RAF1: variants seen among roughly 807,000 people sequenced by gnomAD.
The protein encoded by RAF1 is RAF proto-oncogene serine/threonine-protein kinase.
A neutral mutation model predicts 81.1 loss-of-function variants in RAF1; 27 were observed. That is an observed-to-expected ratio of 0.33 (90% CI 0.25 to 0.46). The LOEUF is 0.46. Ranked by LOEUF, RAF1 falls within the 20% of genes least tolerant of loss-of-function variation. RAF1 has a pLI of 1.00. For synonymous variants in RAF1, 298 were observed against 294.0 expected, an observed-to-expected ratio of 1.01 and a Z score of -0.14; for missense variants, 598 against 826.0, an observed-to-expected ratio of 0.72 and a Z score of 3.38.
intron 5 of RAF1, among the ~76,000 whole-genome samples, chr3:12,607,125 G>C (rs772230152): frequency 6.6e-6 from 1 of 152,190 alleles, no homozygotes; most frequent in Non-Finnish European, 1.5e-5. Context: ...AAAATGCATA[G>C]ATAAAAGACT....
chr3:12,650,983 G>A (rs1319906825), intron 1 of RAF1, among the ~76,000 whole-genome samples: 1 of 152,166 alleles, frequency 6.6e-6, no homozygotes. Flanking sequence ...GCTAAAGTGT[G>A]CCCAGGGAAT....
At chr3:12,629,594 T>C (rs1047344302) in intron 1 of RAF1, among the ~76,000 whole-genome samples, 1 of 152,148 alleles carries the variant, frequency 6.6e-6, no homozygotes, top group African/African-American at 2.4e-5. Context: ...CAAGGTTACA[T>C]GGTATTCAGA....
At chr3:12,627,569 A>G (rs2059741639) in intron 1 of RAF1, among the ~76,000 whole-genome samples, 1 of 152,220 alleles carries the variant, frequency 6.6e-6, no homozygotes, top group South Asian at 2.1e-4. Context: ...TATATCTATC[A>G]ATCATGAATT....
At position 12,585,771 on chromosome 3, in the gene RAF1, C is replaced by T; in HGVS notation, c.1506G>A (p.Val502=). Residue 502 remains valine (V), a synonymous_variant, in exon 15 of 18, where the codon GTG becomes GTA. Coordinates refer to ENST00000442415, the MANE Select transcript of RAF1 (RefSeq NM_001354689.3). ...TTGCCAAACCAAAATCTCCAATTTT[C>T]ACTGTTAAGCCTTCATGGAGAAATA... 6.2e-7 allele frequency: 1 copy of T among 1,613,820 alleles called. No homozygotes were observed. Among genetic ancestry groups the T allele is most frequent in the Non-Finnish European group, 8.5e-7 (1 of 1,179,702 alleles).
chr3:12,587,604 G>A lies in RAF1; in HGVS notation c.1464C>T (p.Asp488=). ...ACCAAAGGATACTGTTGGATTTCATGTCTCTATGGATGATGTTCTTTGCAT... is the reference window on the plus strand; with the variant it reads ...ACCAAAGGATACTGTTGGATTTCATATCTCTATGGATGATGTTCTTTGCAT... The change falls in exon 14 of 18, where the codon GAC becomes GAT. Residue 488 remains aspartate, a synonymous_variant. Coordinates refer to ENST00000442415, the MANE Select transcript of RAF1 (RefSeq NM_001354689.3). 1 of 1,610,302 alleles carries A rather than the reference G, an allele frequency of 6.2e-7. No individual in the cohort carries two copies. Among genetic ancestry groups the A allele is most frequent in the Non-Finnish European group, 8.5e-7 (1 of 1,176,466 alleles).
At chr3:12,659,427 C>CCAAAAAAAAAAAAAAAAAA (rs2060805165) in intron 1 of RAF1, among the ~76,000 whole-genome samples, 1 of 47,682 alleles carries the variant, frequency 2.1e-5, no homozygotes, top group South Asian at 1.4e-3. Context: ...GATTTCATCT[C>CCAAAAAAAAAAAAAAAAAA]AAAAAAAAAA....
In RAF1 at chr3:12,608,519, A is replaced by G. The variant is rs1033102118; in HGVS notation, c.581+247T>C. 2.1e-4 allele frequency: 112 copies of G among 539,808 alleles called. 1 individual carries two copies. The highest frequency in any genetic ancestry group is 1.6e-4 in the Non-Finnish European group (49 of 301,058). 33.4% of individuals were successfully genotyped at this position (539,808 alleles called of 1,614,324 possible). A position where few individuals can be genotyped will look rare whatever the true frequency, so the allele number is the denominator to read the frequency against. ...TTTGCTCCTTTCCTTACTGAATCAC[A>G]GTCACAGTATGTCAATCTCAATTTG... is the stretch of plus-strand genomic sequence containing the variant. On this transcript the variant is annotated intron_variant, in intron 5 of 17. Coordinates refer to ENST00000442415, the MANE Select transcript of RAF1 (RefSeq NM_001354689.3).
chr3:12,661,057 C>T (rs926293250), intron 1 of RAF1, among the ~76,000 whole-genome samples: 17 of 152,176 alleles, frequency 1.1e-4, no homozygotes, highest in African/African-American at 3.9e-4. Flanking sequence ...GCATTTTAAA[C>T]AGCTTAGCCC....
chr3:12,641,894 C>T (rs993535890), intron 1 of RAF1, among the ~76,000 whole-genome samples: 13 of 152,078 alleles, frequency 8.5e-5, no homozygotes, highest in Admixed American at 2.0e-4. Flanking sequence ...TGGTGGCTCA[C>T]GCCTGTAATC....
intron 1 of RAF1, among the ~76,000 whole-genome samples, chr3:12,647,245 G>C (rs2060378638): frequency 6.8e-6 from 1 of 147,720 alleles, no homozygotes. Context: ...GCAGTGAGCT[G>C]AGATCGCGCC....
chr3:12,632,602 TAAAAG>T (rs1236120847), intron 1 of RAF1, among the ~76,000 whole-genome samples: 7 of 152,148 alleles, frequency 4.6e-5, no homozygotes, highest in South Asian at 2.1e-4. Context: ...ATCAGCAACT[TAAAAG>T]AAAGAGACTA....
intron 1 of RAF1, among the ~76,000 whole-genome samples, chr3:12,651,180 A>G (rs1363536790): frequency 6.6e-6 from 1 of 152,232 alleles, no homozygotes; most frequent in African/African-American, 2.4e-5. Context: ...CTTAAACATT[A>G]CATGTATTAG....
At chr3:12,607,723 T>C (rs1337122052) in intron 5 of RAF1, among the ~76,000 whole-genome samples, 2 of 149,598 alleles carry the variant, frequency 1.3e-5, no homozygotes, top group African/African-American at 4.9e-5. Context: ...GAGGCCGAGG[T>C]GGGCAGATCA....
chr3:12,614,159 G>C (rs62240813), intron 2 of RAF1, among the ~76,000 whole-genome samples: 18,529 of 152,178 alleles, frequency 0.12, 1,365 homozygotes, highest in Admixed American at 0.2. Context: ...AAAGAAATGG[G>C]GATACAGGGG....
In RAF1 at chr3:12,636,347, C is replaced by G. The variant is rs538203823; in HGVS notation, c.-26-17600G>C. ...ACATACCACCAAGCTACTTGGGAGG[C>G]TGAGAAATGAGAATCACTTGAGGCC... On this transcript the variant is annotated intron_variant, in intron 1 of 17. Transcript: ENST00000442415. Among the ~76,000 whole-genome samples the G allele has an allele frequency of 7.3e-5, 11 of 150,450 alleles. No homozygotes were observed. The East Asian group carries it at 2.0e-3, about 27-fold the overall frequency.
chr3:12,661,630 G>A (rs2060880681), intron 1 of RAF1, among the ~76,000 whole-genome samples: 1 of 152,108 alleles, frequency 6.6e-6, no homozygotes, highest in African/African-American at 2.4e-5. Flanking sequence ...TTGAACCAAG[G>A]AGGCAGAGGT....
At chr3:12,654,017 C>A (rs969078649) in intron 1 of RAF1, among the ~76,000 whole-genome samples, 1 of 150,256 alleles carries the variant, frequency 6.7e-6, no homozygotes, top group African/African-American at 2.5e-5. Context: ...CAAGAGACAG[C>A]ATCTTGTTCT....
chr3:12,659,074 T>C (rs1335740439), intron 1 of RAF1, among the ~76,000 whole-genome samples: 2 of 152,076 alleles, frequency 1.3e-5, no homozygotes, highest in Non-Finnish European at 1.5e-5. Context: ...CAAACCTTAA[T>C]GTGTAATTAA....
intron 1 of RAF1, among the ~76,000 whole-genome samples, chr3:12,633,743 G>A (rs2059931931): frequency 6.6e-6 from 1 of 151,688 alleles, no homozygotes; most frequent in Non-Finnish European, 1.5e-5. Context: ...AGACCAGCCT[G>A]GCCAACATGG....
Sources: allele counts gnomAD v4.1 joint callset (sites outside exome capture counted in the v4.1 genomes callset), GRCh38; gene constraint gnomAD v4.1.1; transcripts MANE v1.5; gene names NCBI Gene and HGNC (gene_info 2026-07-23, HGNC 2026-07-21).